The following ZNF280D variants were observed in gnomAD, a reference collection of about 807,000 sequenced individuals.
The protein encoded by ZNF280D is zinc finger protein 280D.
A neutral mutation model predicts 94.7 loss-of-function variants in ZNF280D; 39 were observed. The observed-to-expected ratio is 0.41, with a 90% CI of 0.32 to 0.54. The LOEUF (loss-of-function observed/expected upper bound fraction) is 0.54. Among genes scored for constraint, ZNF280D ranks in the 20% least tolerant of loss-of-function variants. The pLI is 0.22. For missense variants in ZNF280D, 1,090 were observed against 1,149.3 expected, an observed-to-expected ratio of 0.95 and a Z score of 0.75; for synonymous variants, 398 against 377.6, an observed-to-expected ratio of 1.05 and a Z score of -0.63.
At chr15:56,718,561 A>G (rs982894021) in intron 1 of ZNF280D, among the ~76,000 whole-genome samples, 2 of 152,224 alleles carry the variant, frequency 1.3e-5, no homozygotes, top group Non-Finnish European at 2.9e-5. Context: ...TTAAATCTAC[A>G]ATGAATCTAA....
chr15:56,726,619 TAA>T (rs551984351), intron 1 of ZNF280D, among the ~76,000 whole-genome samples: 17 of 152,226 alleles, frequency 1.1e-4, no homozygotes, highest in Non-Finnish European at 2.5e-4. Context: ...GTTCATCAAT[TAA>T]TCCCAACTAT....
At chr15:56,678,921 A>AT (rs2055431914) in intron 10 of ZNF280D, 100 bp from the exon 11 acceptor site, 8 of 1,158,944 alleles carry the variant, frequency 6.9e-6, no homozygotes, top group Non-Finnish European at 9.2e-6. Flanking sequence ...ATATAGATGT[A>AT]TTACTCAAAC....
At chr15:56,653,816 T>C (rs1488730970) in intron 19 of ZNF280D, 2 of 1,259,802 alleles carry the variant, frequency 1.6e-6, no homozygotes, top group African/African-American at 1.6e-5. Context: ...ACAAATGTTA[T>C]TTTTAGACAG....
intron 7 of ZNF280D, among the ~76,000 whole-genome samples, chr15:56,691,997 T>TA (rs1378489007): frequency 3.3e-5 from 5 of 152,152 alleles, no homozygotes; most frequent in African/African-American, 1.2e-4. Context: ...TCATCCCACT[T>TA]ACTGCTCAGG....
intron 1 of ZNF280D, among the ~76,000 whole-genome samples, chr15:56,733,211 C>CCTGCAGCAGCCGAGGCGG (rs1197244145): frequency 2.0e-5 from 3 of 152,188 alleles, no homozygotes; most frequent in Non-Finnish European, 4.4e-5. Flanking sequence ...GCGGCCCAGG[C>CCTGCAGCAGCCGAGGCGG]CTGCAGCAGC....
chr15:56,632,496 ATTTTTT>A (rs35589148), intron 21 of ZNF280D, among the ~76,000 whole-genome samples: 1 of 129,196 alleles, frequency 7.7e-6, no homozygotes, highest in Admixed American at 8.0e-5. Flanking sequence ...TTTTTTTATG[ATTTTTT>A]TTTTTTTTTT....
chr15:56,669,959 ATATTAT>A (rs1566961026), intron 13 of ZNF280D, among the ~76,000 whole-genome samples: 1 of 3,640 alleles, frequency 2.7e-4, no homozygotes, highest in African/African-American at 1.1e-3. Flanking sequence ...TTATATATAT[ATATTAT>A]ATATATATAA....
At chr15:56,696,265 T>C (rs1321636962) in intron 6 of ZNF280D, among the ~76,000 whole-genome samples, 2 of 152,228 alleles carry the variant, frequency 1.3e-5, no homozygotes, top group African/African-American at 2.4e-5. Flanking sequence ...AAGTTACTTC[T>C]GAGTTTCAAG....
At chr15:56,676,058 T>C (rs2055211439) in intron 13 of ZNF280D, among the ~76,000 whole-genome samples, 1 of 151,352 alleles carries the variant, frequency 6.6e-6, no homozygotes, top group Admixed American at 6.6e-5. Flanking sequence ...AGTTCCAAAA[T>C]TATATAGCAA....
At chr15:56,720,973 G>GTT (rs2058325078) in intron 1 of ZNF280D, among the ~76,000 whole-genome samples, 31 of 98,662 alleles carry the variant, frequency 3.1e-4, no homozygotes, top group Admixed American at 1.8e-3. Context: ...TTTTTTTTGG[G>GTT]GGGGGGGGGG....
intron 21 of ZNF280D, among the ~76,000 whole-genome samples, 200 bp downstream of exon 21, chr15:56,634,995 G>T (rs1469164574): frequency 1.1e-4 from 16 of 151,902 alleles, no homozygotes; most frequent in Admixed American, 1.0e-3. Context: ...ATGTTTAAAA[G>T]ATTTAAAAAC....
intron 16 of ZNF280D, among the ~76,000 whole-genome samples, chr15:56,665,503 C>A (rs2054223911): frequency 6.6e-6 from 1 of 151,592 alleles, no homozygotes; most frequent in Non-Finnish European, 1.5e-5. Flanking sequence ...AAAAAGAATT[C>A]CAAAAGTGGC....
intron 1 of ZNF280D, among the ~76,000 whole-genome samples, chr15:56,719,132 A>T (rs989020196): frequency 2.4e-4 from 37 of 152,252 alleles, no homozygotes; most frequent in African/African-American, 7.9e-4. Flanking sequence ...AGCCTATAAG[A>T]TCAGAAAATA....
intron 19 of ZNF280D, among the ~76,000 whole-genome samples, chr15:56,646,060 T>G (rs759599100): frequency 1.3e-5 from 2 of 152,164 alleles, no homozygotes; most frequent in African/African-American, 4.8e-5. Flanking sequence ...TTAAGAATAT[T>G]TGTAAGCATA....
intron 4 of ZNF280D, 36 bp from the exon 5 acceptor site, chr15:56,701,274 TTGAA>T (rs1308568772): frequency 2.3e-6 from 3 of 1,282,510 alleles, no homozygotes; most frequent in African/African-American, 1.5e-5. Context: ...AATACATTGT[TTGAA>T]TGAAATACAT....
At chr15:56,713,128 ATCTT>A (rs771317124) in intron 1 of ZNF280D, among the ~76,000 whole-genome samples, 1 of 152,206 alleles carries the variant, frequency 6.6e-6, no homozygotes, top group Non-Finnish European at 1.5e-5. Flanking sequence ...TATAAAGTTA[ATCTT>A]TCTTTTTGTC....
chr15:56,637,350 A>ATTT (rs11318323), intron 20 of ZNF280D, among the ~76,000 whole-genome samples: 1 of 147,912 alleles, frequency 6.8e-6, no homozygotes. Context: ...AGTTAAAAAC[A>ATTT]TTTTTTTTTT....
intron 16 of ZNF280D, among the ~76,000 whole-genome samples, chr15:56,663,519 G>C (rs1353399261): frequency 5.3e-5 from 8 of 152,058 alleles, no homozygotes; most frequent in Non-Finnish European, 1.2e-4. Flanking sequence ...CAACACTGCA[G>C]AGAAGAGTTC....
chr15:56,653,441 G>C (rs1196260924), intron 19 of ZNF280D: 2 of 1,453,158 alleles, frequency 1.4e-6, no homozygotes, highest in Non-Finnish European at 1.8e-6. Flanking sequence ...GTCTCCCCAA[G>C]ATCTGATTTC....
Sources: allele counts gnomAD v4.1 joint callset (sites outside exome capture counted in the v4.1 genomes callset), GRCh38; gene constraint gnomAD v4.1.1; transcripts MANE v1.5; gene names NCBI Gene and HGNC (gene_info 2026-07-23, HGNC 2026-07-21).